NAV2: variants seen among roughly 807,000 people sequenced by gnomAD.
NAV2 encodes the protein neuron navigator 2, also known as helicase, APC down-regulated 1.
Under a neutral mutation model 223.2 loss-of-function variants are expected in NAV2, and 54 were observed. The observed-to-expected ratio is 0.24, with a 90% CI of 0.19 to 0.30. NAV2 has a LOEUF of 0.30. Ranked by LOEUF, NAV2 falls within the 10% of genes least tolerant of loss-of-function variation. The pLI is 1.00. For synonymous variants in NAV2, 1,279 were observed against 1,239.3 expected, an observed-to-expected ratio of 1.03 and a Z score of -0.67; for missense variants, 2,806 against 3,147.5, an observed-to-expected ratio of 0.89 and a Z score of 2.60.
Position 19,568,566 on chromosome 11 carries a change from C to G in NAV2, c.75+217539C>G, listed in dbSNP as rs563097757. 7.2e-5 allele frequency among the ~76,000 whole-genome samples: 11 copies of G among 152,316 alleles called. No individual in the cohort carries two copies. The South Asian group carries it at 2.3e-3, about 32-fold the overall frequency. On this transcript the variant is annotated intron_variant, in intron 1 of 37. Coordinates refer to the NAV2 transcript ENST00000360655. ...AGTCCAGAGCATAAGAGGCTCTCTC[C>G]TGGAGCACTGTTTGTGTCAGACCCT...
upstream of NAV2, among the ~76,000 whole-genome samples, chr11:19,346,686 C>G (rs1334109898): frequency 6.6e-6 from 1 of 152,202 alleles, no homozygotes; most frequent in Non-Finnish European, 1.5e-5. Context: ...CCAGGGTTGG[C>G]GGCTGGGTCT....
At chr11:19,653,092 C>A (rs529538077) in intron 1 of NAV2, among the ~76,000 whole-genome samples, 110 of 152,242 alleles carry the variant, frequency 7.2e-4, no homozygotes, top group African/African-American at 2.5e-3. Flanking sequence ...CTTGAGGCTC[C>A]CCATTCAGCT....
At chr11:19,397,418 T>TGTGTGTGTGTGTGTGTGTGC (rs57566081) in intron 1 of NAV2, among the ~76,000 whole-genome samples, 6,406 of 145,028 alleles carry the variant, frequency 0.044, 262 homozygotes, top group East Asian at 0.13. Flanking sequence ...TGTGTGTGTG[T>TGTGTGTGTGTGTGTGTGTGC]GCGCGCATGT....
chr11:19,453,797 G>A (rs936124687), intron 1 of NAV2, among the ~76,000 whole-genome samples: 4 of 152,160 alleles, frequency 2.6e-5, no homozygotes, highest in African/African-American at 9.7e-5. Context: ...GACTCTGTTA[G>A]GTTTTGTCTC....
rs756839466 is a variant in NAV2 at position 20,099,298 on chromosome 11, TTTAAGGAGAGCC to T, written c.6181+1556_6181+1567del. 4.2e-4 allele frequency among the ~76,000 whole-genome samples: 64 copies of T among 152,270 alleles called. No individual in the cohort carries two copies. In the Middle Eastern group the frequency reaches 0.01, roughly 24 times the overall value. ...GAACAATCATCCTCGACAAGAACCC[TTTAAGGAGAGCC>T]TTTTATGTCCTGAGTTCAAATTGCA... is the stretch of plus-strand genomic sequence containing the variant. On this transcript the variant is annotated intron_variant, in intron 31 of 37. Coordinates refer to ENST00000349880, the MANE Select transcript of NAV2 (RefSeq NM_145117.5).
chr11:19,777,750 G>A, intron 1 of NAV2: 1 of 419,282 alleles, frequency 2.4e-6, no homozygotes, highest in South Asian at 1.7e-5. Flanking sequence ...GAAGGGGGGT[G>A]GGACTGGGCT....
chr11:20,012,890 A>G (rs554308457), intron 11 of NAV2, among the ~76,000 whole-genome samples: 2 of 152,336 alleles, frequency 1.3e-5, no homozygotes, highest in South Asian at 4.1e-4. Context: ...GCTTACCAGC[A>G]GTGTGGCCTT....
At chr11:19,831,872 G>T (rs2059964615) in intron 1 of NAV2, among the ~76,000 whole-genome samples, 1 of 152,202 alleles carries the variant, frequency 6.6e-6, no homozygotes, top group Non-Finnish European at 1.5e-5. Flanking sequence ...AATCCCAACA[G>T]TGAAAATGAT....
At chr11:19,347,913 A>G (rs1853091935), upstream of NAV2, among the ~76,000 whole-genome samples, 1 of 152,216 alleles carries the variant, frequency 6.6e-6, no homozygotes, top group Non-Finnish European at 1.5e-5. Context: ...GTCAGGAAAT[A>G]GACTGGATGT....
chr11:19,933,034 A>G lies in NAV2; in HGVS notation c.932-142A>G, dbSNP rs2045531243. 1 of 1,041,860 alleles carries G rather than the reference A, an allele frequency of 9.6e-7. No individual in the cohort carries two copies. The highest frequency in any genetic ancestry group is 2.8e-5 in the South Asian group (1 of 35,128). The allele number at this position is 1,041,860 out of a possible 1,614,324, so 64.5% of individuals were successfully genotyped here. ...TCAAGCCAGAAATTAAAACCTAACCACAGATAATCCACAAAGTGGGCAATG... is the reference window on the plus strand; with the variant it reads ...TCAAGCCAGAAATTAAAACCTAACCGCAGATAATCCACAAAGTGGGCAATG... On this transcript the variant is annotated intron_variant, in intron 6 of 37. Transcript: ENST00000349880. The surrounding 1 kb of genome is among the most constrained non-coding windows in gnomAD (Gnocchi z 4.3).
At chr11:19,363,720 C>T (rs1436919948) in intron 1 of NAV2, among the ~76,000 whole-genome samples, 1 of 152,182 alleles carries the variant, frequency 6.6e-6, no homozygotes, top group African/African-American at 2.4e-5. Context: ...ATTTCAGATG[C>T]CAATTGCATG....
chr11:19,399,143 A>G (rs568130869), intron 1 of NAV2, among the ~76,000 whole-genome samples: 5 of 152,302 alleles, frequency 3.3e-5, no homozygotes, highest in African/African-American at 1.2e-4. Flanking sequence ...ACGGCACGAG[A>G]AAGTGGATAT....
chr11:19,440,331 G>C (rs1028757169), intron 1 of NAV2, among the ~76,000 whole-genome samples: 2 of 152,134 alleles, frequency 1.3e-5, no homozygotes, highest in Non-Finnish European at 2.9e-5. Context: ...GTCAGGACAG[G>C]GAAGGCATCC....
chr11:19,795,020 A>G (rs147859145), intron 1 of NAV2, among the ~76,000 whole-genome samples: 89 of 152,316 alleles, frequency 5.8e-4, no homozygotes, highest in Middle Eastern at 3.4e-3. Context: ...CCTATGGAGT[A>G]AGCATACTCA....
chr11:20,061,919 G>T (rs1249679427), intron 19 of NAV2, among the ~76,000 whole-genome samples: 1 of 152,200 alleles, frequency 6.6e-6, no homozygotes, highest in Admixed American at 6.5e-5. Context: ...TTAGAAAAAA[G>T]AGTGAAGCGA....
intron 1 of NAV2, among the ~76,000 whole-genome samples, chr11:19,625,785 T>C (rs1486767978): frequency 6.6e-6 from 1 of 152,218 alleles, no homozygotes; most frequent in African/African-American, 2.4e-5. Flanking sequence ...TGATGTGCAT[T>C]TCCCTGATTA....
At chr11:19,587,978 A>G (rs1292461325) in intron 1 of NAV2, among the ~76,000 whole-genome samples, 2 of 152,246 alleles carry the variant, frequency 1.3e-5, no homozygotes, top group Admixed American at 1.3e-4. Flanking sequence ...TACCTGGTCA[A>G]CCATGAGGGC....
intron 1 of NAV2, among the ~76,000 whole-genome samples, chr11:19,491,394 A>G (rs1053220103): frequency 1.3e-5 from 2 of 152,194 alleles, no homozygotes; most frequent in Admixed American, 6.5e-5. Flanking sequence ...TGTTAGCTAG[A>G]ACTTCTGGAT....
intron 6 of NAV2, among the ~76,000 whole-genome samples, chr11:19,924,317 A>C (rs1027463004): frequency 2.0e-5 from 3 of 152,110 alleles, no homozygotes; most frequent in Middle Eastern, 3.2e-3. Flanking sequence ...AAAAACAAAA[A>C]AAAACTGGTT....
Sources: allele counts gnomAD v4.1 joint callset (sites outside exome capture counted in the v4.1 genomes callset), GRCh38; gene constraint gnomAD v4.1.1; non-coding constraint Gnocchi (gnomAD v3.1); transcripts MANE v1.5; gene names NCBI Gene and HGNC (gene_info 2026-07-23, HGNC 2026-07-21).